SOX6: variants seen among roughly 807,000 people sequenced by gnomAD.
SOX6 encodes the protein SRY-box transcription factor 6.
SOX6 carries 11 observed loss-of-function variants against 97.8 expected under a neutral mutation model. The observed-to-expected ratio is 0.11, with a 90% confidence interval of 0.07 to 0.19. The LOEUF is 0.19. Ranked by LOEUF, SOX6 falls within the 10% of genes least tolerant of loss-of-function variation. SOX6 has a pLI of 1.00. For synonymous variants in SOX6, 360 were observed against 371.4 expected (o/e 0.97, Z 0.35); for missense variants, 810 against 1,039.5 (o/e 0.78, Z 3.04).
intron 4 of SOX6, among the ~76,000 whole-genome samples, chr11:16,559,098 C>G (rs1847779769): frequency 6.6e-6 from 1 of 151,936 alleles, no homozygotes; most frequent in Admixed American, 6.6e-5. Flanking sequence ...CACTGCATAT[C>G]TACATGTTAA....
intron 3 of SOX6, among the ~76,000 whole-genome samples, chr11:16,662,795 G>A (rs1434318971): frequency 1.3e-5 from 2 of 152,176 alleles, no homozygotes; most frequent in Non-Finnish European, 2.9e-5. Context: ...CTGGGTTCAA[G>A]TGATCCTCTC....
rs1286711333 is a variant in SOX6 at position 16,583,333 on chromosome 11, T to C, written n.609+28748A>G. Among the ~76,000 whole-genome samples the C allele has an allele frequency of 2.0e-5, 3 of 151,654 alleles. No homozygotes were observed. The East Asian group carries it at 5.8e-4, about 29-fold the overall frequency. On this transcript the variant is annotated intron_variant and non_coding_transcript_variant, in intron 4 of 5. Transcript: ENST00000524520. ...AGCTATTTGAAAATATATAATAAAT[T>C]ACTTTTAGCTATAGTCACCATGCAG...
intron 1 of SOX6, among the ~76,000 whole-genome samples, chr11:16,432,337 A>G (rs1356058864): frequency 6.6e-6 from 1 of 152,152 alleles, no homozygotes; most frequent in Non-Finnish European, 1.5e-5. Context: ...GCATATGCCA[A>G]GTTAATTACA....
intron 15 of SOX6, among the ~76,000 whole-genome samples, chr11:15,973,848 G>A (rs1183108188): frequency 6.6e-6 from 1 of 152,084 alleles, no homozygotes; most frequent in Non-Finnish European, 1.5e-5. Flanking sequence ...CCCAGAGGGT[G>A]GCAAGGCCTG....
At chr11:16,139,786 A>G (rs537898980) in intron 6 of SOX6, among the ~76,000 whole-genome samples, 5 of 152,040 alleles carry the variant, frequency 3.3e-5, no homozygotes, top group African/African-American at 1.2e-4. Flanking sequence ...ATACATATTC[A>G]CACACATTTA....
intron 4 of SOX6, among the ~76,000 whole-genome samples, chr11:16,206,423 G>A (rs1000893582): frequency 6.6e-6 from 1 of 152,218 alleles, no homozygotes; most frequent in South Asian, 2.1e-4. Flanking sequence ...AGTGAGTTTT[G>A]TTTGCATATT....
intron 4 of SOX6, among the ~76,000 whole-genome samples, chr11:16,197,629 C>T (rs560353280): frequency 6.6e-6 from 1 of 152,268 alleles, no homozygotes; most frequent in South Asian, 2.1e-4. Context: ...CAATGTTGAC[C>T]TTAATAATGA....
rs992245151 is a variant in SOX6, at chr11:16,356,153, T to G, written c.-64A>C. ...TTTCTCTTACCACATCAGCCAGAAC[T>G]TCAGAACTTGAGGGCATAACACCTT... On this transcript the variant is annotated 5_prime_UTR_variant, in exon 1 of 16. Coordinates refer to ENST00000683767, the MANE Select transcript of SOX6 (RefSeq NM_001367873.1). Among the ~76,000 whole-genome samples the G allele has an allele frequency of 1.3e-4, 20 of 151,674 alleles. No homozygotes were observed. The highest frequency in any genetic ancestry group is 4.8e-4 in the African/African-American group (20 of 41,396).
At chr11:16,501,272 A>C (rs978653953) in intron 4 of SOX6, among the ~76,000 whole-genome samples, 2 of 152,224 alleles carry the variant, frequency 1.3e-5, no homozygotes, top group African/African-American at 4.8e-5. Context: ...GAAAGCTTAA[A>C]CTGGATCCCT....
intron 1 of SOX6, among the ~76,000 whole-genome samples, chr11:16,448,706 G>A (rs572320016): frequency 6.6e-6 from 1 of 152,126 alleles, no homozygotes; most frequent in South Asian, 2.1e-4. Flanking sequence ...CTATACGAAT[G>A]TATCACCCTA....
At chr11:16,547,145 C>T (rs1847630784) in intron 4 of SOX6, among the ~76,000 whole-genome samples, 1 of 152,084 alleles carries the variant, frequency 6.6e-6, no homozygotes, top group Non-Finnish European at 1.5e-5. Flanking sequence ...GAAAAGAGAA[C>T]TCTTATACAC....
chr11:16,239,324 T>G (rs1316084538), intron 3 of SOX6, among the ~76,000 whole-genome samples: 1 of 151,994 alleles, frequency 6.6e-6, no homozygotes, highest in Non-Finnish European at 1.5e-5. Flanking sequence ...CCTCTCCCTC[T>G]CTCTCCAATG....
intron 15 of SOX6, among the ~76,000 whole-genome samples, chr11:15,975,172 A>C (rs550531313): frequency 6.6e-6 from 1 of 152,348 alleles, no homozygotes; most frequent in African/African-American, 2.4e-5. Context: ...CAGATAATAG[A>C]GGAATCTAAA....
At chr11:16,166,928 A>C (rs1239507925) in intron 6 of SOX6, among the ~76,000 whole-genome samples, 1 of 152,184 alleles carries the variant, frequency 6.6e-6, no homozygotes, top group African/African-American at 2.4e-5. Flanking sequence ...CTTTACTGAG[A>C]GTAGGAACCA....
At chr11:16,484,720 C>T (rs1221081871) in intron 4 of SOX6, 2 of 520,970 alleles carry the variant, frequency 3.8e-6, no homozygotes, top group South Asian at 2.4e-5. Flanking sequence ...CTAGTTCAGT[C>T]CAAGATAAAT....
chr11:16,592,164 A>T (rs1198675401), intron 4 of SOX6, among the ~76,000 whole-genome samples: 2 of 151,856 alleles, frequency 1.3e-5, no homozygotes, highest in Non-Finnish European at 2.9e-5. Flanking sequence ...GCGTTTTGCT[A>T]AGGGCGTGCT....
At chr11:16,512,977 A>G (rs1860903816) in intron 4 of SOX6, among the ~76,000 whole-genome samples, 1 of 152,232 alleles carries the variant, frequency 6.6e-6, no homozygotes. Context: ...GTTCCTTGAA[A>G]TGTATATGCA....
At chr11:16,697,133 C>T (rs1376179564) in intron 3 of SOX6, among the ~76,000 whole-genome samples, 2 of 152,156 alleles carry the variant, frequency 1.3e-5, no homozygotes, top group African/African-American at 2.4e-5. Context: ...TTTTCAGGCT[C>T]CACTTCTGAT....
At chr11:16,429,874 CTCTGGTGAGGGTA>C (rs916520287) in intron 1 of SOX6, among the ~76,000 whole-genome samples, 1 of 152,126 alleles carries the variant, frequency 6.6e-6, no homozygotes, top group Admixed American at 6.5e-5. Context: ...ACTACCCGCA[CTCTGGTGAGGGTA>C]GAAGGTAGCT....
Sources: allele counts gnomAD v4.1 joint callset (sites outside exome capture counted in the v4.1 genomes callset), GRCh38; gene constraint gnomAD v4.1.1; transcripts MANE v1.5; gene names NCBI Gene and HGNC (gene_info 2026-07-23, HGNC 2026-07-21).